MACROD2: variants seen among roughly 807,000 people sequenced by gnomAD.
MACROD2 encodes the protein ADP-ribose glycohydrolase MACROD2.
In MACROD2, 36 loss-of-function variants were observed where a neutral mutation model predicts 70.4. That is an observed-to-expected ratio of 0.51 (90% CI 0.39 to 0.68). The LOEUF (loss-of-function observed/expected upper bound fraction) is 0.68. Among genes scored for constraint, MACROD2 ranks in the 30% least tolerant of loss-of-function variants. The pLI, the probability that MACROD2 is intolerant of heterozygous loss-of-function variation, is 0.00. For missense variants in MACROD2, 496 were observed against 538.4 expected (o/e 0.92, Z 0.78); for synonymous variants, 172 against 178.8 (o/e 0.96, Z 0.30).
intron 5 of MACROD2, among the ~76,000 whole-genome samples, chr20:14,902,230 T>A (rs2073903170): frequency 6.6e-6 from 1 of 152,196 alleles, no homozygotes; most frequent in Non-Finnish European, 1.5e-5. Flanking sequence ...CATAGCTGAA[T>A]TAGTTGTTTT....
At chr20:14,654,511 A>C (rs1370985344) in intron 4 of MACROD2, among the ~76,000 whole-genome samples, 3 of 146,520 alleles carry the variant, frequency 2.0e-5, no homozygotes, top group Non-Finnish European at 3.0e-5. Flanking sequence ...GTGCCTTTGC[A>C]CTCCACCCTG....
intron 3 of MACROD2, among the ~76,000 whole-genome samples, chr20:14,231,970 C>T (rs1248023601): frequency 6.6e-6 from 1 of 152,102 alleles, no homozygotes; most frequent in African/African-American, 2.4e-5. Context: ...GTCCTTCTCC[C>T]ACTTGTTGAT....
chr20:14,022,603 C>T (rs1395648875), intron 2 of MACROD2, among the ~76,000 whole-genome samples: 1 of 152,024 alleles, frequency 6.6e-6, no homozygotes, highest in African/African-American at 2.4e-5. Context: ...CCCTCCCCCA[C>T]CCACCGACAG....
intron 10 of MACROD2, among the ~76,000 whole-genome samples, chr20:15,899,996 ATTT>A (rs1285511197): frequency 6.6e-6 from 1 of 152,058 alleles, no homozygotes; most frequent in African/African-American, 2.4e-5. Context: ...GAGAGGCAGA[ATTT>A]TCTCTCTGCC....
intron 3 of MACROD2, among the ~76,000 whole-genome samples, chr20:14,141,684 G>T (rs979098326): frequency 2.0e-5 from 3 of 146,696 alleles, no homozygotes; most frequent in Non-Finnish European, 4.5e-5. Context: ...GGCGGAGGTT[G>T]CAGGGAGCCG....
At chr20:14,848,639 T>C (rs2073167555) in intron 5 of MACROD2, among the ~76,000 whole-genome samples, 1 of 152,184 alleles carries the variant, frequency 6.6e-6, no homozygotes, top group South Asian at 2.1e-4. Flanking sequence ...TATTGACCAC[T>C]TGAAATGTGG....
chr20:15,316,616 A>G (rs1213583486), intron 6 of MACROD2, among the ~76,000 whole-genome samples: 1 of 152,134 alleles, frequency 6.6e-6, no homozygotes, highest in East Asian at 1.9e-4. Context: ...TAAATATCCC[A>G]CTTTCAGTAA....
At chr20:15,157,002 C>T (rs1344309087) in intron 5 of MACROD2, among the ~76,000 whole-genome samples, 1 of 152,184 alleles carries the variant, frequency 6.6e-6, no homozygotes, top group Non-Finnish European at 1.5e-5. Context: ...CTAAGCTGGT[C>T]AAATATGTTA....
chr20:15,439,257 C>T (rs75627829), intron 7 of MACROD2, among the ~76,000 whole-genome samples: 6,620 of 152,250 alleles, frequency 0.043, 191 homozygotes, highest in Middle Eastern at 0.085. Context: ...TTCTCACACA[C>T]CTGTTTGCTT....
intron 8 of MACROD2, among the ~76,000 whole-genome samples, chr20:15,680,280 A>G (rs2050143177): frequency 6.6e-6 from 1 of 152,214 alleles, no homozygotes; most frequent in Admixed American, 6.5e-5. Context: ...ATTGTTCAAG[A>G]AACAGAAATA....
chr20:14,549,386 C>A (rs1600373331), intron 4 of MACROD2, among the ~76,000 whole-genome samples: 1 of 152,090 alleles, frequency 6.6e-6, no homozygotes, highest in Non-Finnish European at 1.5e-5. Context: ...TACTAGTTTT[C>A]TTTTAAATTA....
At chr20:14,640,160 T>C (rs1985010893) in intron 4 of MACROD2, among the ~76,000 whole-genome samples, 1 of 152,214 alleles carries the variant, frequency 6.6e-6, no homozygotes, top group Non-Finnish European at 1.5e-5. Flanking sequence ...TGAAGACTAA[T>C]TTATGTGCTT....
At chr20:15,574,575 C>A (rs2048419060) in intron 8 of MACROD2, among the ~76,000 whole-genome samples, 1 of 152,142 alleles carries the variant, frequency 6.6e-6, no homozygotes, top group African/African-American at 2.4e-5. Context: ...ATTTTTAGCT[C>A]TCGCAATTGG....
intron 4 of MACROD2, among the ~76,000 whole-genome samples, chr20:14,603,299 A>G (rs1287184963): frequency 6.6e-6 from 1 of 152,198 alleles, no homozygotes; most frequent in African/African-American, 2.4e-5. Flanking sequence ...GATGGTACCA[A>G]TTACATCACA....
chr20:15,440,422 C>A (rs2046480329), intron 7 of MACROD2, among the ~76,000 whole-genome samples: 1 of 152,146 alleles, frequency 6.6e-6, no homozygotes, highest in Non-Finnish European at 1.5e-5. Flanking sequence ...TTCTGCTATC[C>A]ACCACATGCT....
At chr20:15,369,794 A>G (rs954646290) in intron 6 of MACROD2, among the ~76,000 whole-genome samples, 2 of 152,320 alleles carry the variant, frequency 1.3e-5, no homozygotes, top group African/African-American at 4.8e-5. Flanking sequence ...CAGTAGACTG[A>G]GTTCTTTTTC....
At chr20:14,726,289 A>G (rs371765919) in intron 5 of MACROD2, among the ~76,000 whole-genome samples, 1 of 152,176 alleles carries the variant, frequency 6.6e-6, no homozygotes, top group Non-Finnish European at 1.5e-5. Context: ...TTGAAATACT[A>G]GAATAAGAAT....
intron 3 of MACROD2, among the ~76,000 whole-genome samples, chr20:14,280,023 A>T (rs2082294203): frequency 6.6e-6 from 1 of 152,218 alleles, no homozygotes; most frequent in African/African-American, 2.4e-5. Context: ...CTCAATAAAG[A>T]ATGGTAACTT....
chr20:14,694,089 A>G (rs932319656), intron 5 of MACROD2, among the ~76,000 whole-genome samples: 1 of 152,162 alleles, frequency 6.6e-6, no homozygotes, highest in African/African-American at 2.4e-5. Context: ...CAAGTCACAT[A>G]AAAGCAAAGA....
Sources: gnomAD v4.1 joint callset for allele counts (sites outside exome capture counted in the v4.1 genomes callset) on GRCh38, gnomAD v4.1.1 for gene constraint, MANE v1.5 for transcripts, NCBI Gene and HGNC (gene_info 2026-07-23, HGNC 2026-07-21) for gene names.